Variants in PIGN observed in about 807,000 individuals in gnomAD.
The protein encoded by PIGN is phosphatidylinositol glycan anchor biosynthesis class N.
A neutral mutation model predicts 125.4 loss-of-function variants in PIGN; 117 were observed. The observed-to-expected ratio is 0.93, with a 90% CI of 0.80 to 1.09. The LOEUF (loss-of-function observed/expected upper bound fraction) is 1.09, where lower values mean the gene tolerates loss of function less well. Among genes scored for constraint, PIGN ranks in the 50% least tolerant of loss-of-function variants. The pLI is 0.00. For synonymous variants in PIGN, 392 were observed against 377.8 expected (o/e 1.04, Z -0.44); for missense variants, 1,075 against 1,094.9 (o/e 0.98, Z 0.26).
chr18:62,088,636 T>C (rs900784265), intron 25 of PIGN, 120 bp downstream of exon 25: 9 of 643,568 alleles, frequency 1.4e-5, no homozygotes, highest in Admixed American at 3.1e-5. Context: ...AAACTATAGT[T>C]CAGGGAGGTT....
intron 1 of PIGN, among the ~76,000 whole-genome samples, chr18:62,169,763 G>A (rs569594179): frequency 1.3e-5 from 2 of 152,072 alleles, no homozygotes; most frequent in African/African-American, 2.4e-5. Flanking sequence ...TGGGACCACA[G>A]GTGAGAGCCA....
At chr18:62,166,796 C>G (rs2037150762) in intron 1 of PIGN, among the ~76,000 whole-genome samples, 1 of 152,114 alleles carries the variant, frequency 6.6e-6, no homozygotes, top group South Asian at 2.1e-4. Flanking sequence ...AGCAAACTAA[C>G]ACAGGAACAC....
intron 4 of PIGN, chr18:62,158,084 C>A: frequency 7.0e-6 from 2 of 286,606 alleles, no homozygotes; most frequent in Non-Finnish European, 6.7e-6. Context: ...TTGTTTTAAG[C>A]CACAAAACAG....
intron 30 of PIGN, among the ~76,000 whole-genome samples, chr18:62,064,048 G>A (rs1243615847): frequency 1.3e-5 from 2 of 152,060 alleles, no homozygotes; most frequent in Admixed American, 6.5e-5. Flanking sequence ...TGCACGTTGT[G>A]CACATGTACC....
chr18:62,078,092 T>A (rs967728014), intron 28 of PIGN, among the ~76,000 whole-genome samples: 1 of 152,144 alleles, frequency 6.6e-6, no homozygotes, highest in African/African-American at 2.4e-5. Flanking sequence ...TCTGAGGTAC[T>A]TGGGGGTCAG....
intron 14 of PIGN, chr18:62,136,798 C>T (rs1343346012): frequency 2.9e-6 from 1 of 344,478 alleles, no homozygotes; most frequent in Non-Finnish European, 5.2e-6. Context: ...GAATGTGAAC[C>T]TCAAAGATGC....
intron 23 of PIGN, among the ~76,000 whole-genome samples, chr18:62,033,017 G>C (rs992918176): frequency 4.6e-5 from 7 of 152,224 alleles, no homozygotes; most frequent in Non-Finnish European, 7.3e-5. Context: ...GAGTAACTAG[G>C]CAGGCTTAAC....
At chr18:62,028,047 C>G (rs1252046218) in intron 23 of PIGN, among the ~76,000 whole-genome samples, 1 of 152,212 alleles carries the variant, frequency 6.6e-6, no homozygotes, top group Non-Finnish European at 1.5e-5. Context: ...ACACTGTGCT[C>G]CCCTGTGGCA....
intron 14 of PIGN, among the ~76,000 whole-genome samples, chr18:62,117,908 T>C (rs1229911545): frequency 6.6e-6 from 1 of 152,126 alleles, no homozygotes; most frequent in East Asian, 1.9e-4. Context: ...CATTCTTTTT[T>C]ATGAATGAAT....
At position 62,128,439 on chromosome 18, in the gene PIGN, C is replaced by T. The variant is rs2035614906; in HGVS notation, c.1172+9804G>A. 7.2e-5 allele frequency among the ~76,000 whole-genome samples: 11 copies of T among 152,208 alleles called. No homozygotes were observed. In the South Asian group the frequency reaches 2.3e-3, roughly 32 times the overall value. On this transcript the variant is annotated intron_variant, in intron 14 of 30. Transcript: ENST00000640252. ...AGAGCTAGTAACATAATTAAAACCA[C>T]TAGGCCACGGAAGGTATTTTACATT...
Position 62,161,312 on chromosome 18 carries a change from C to T in PIGN, c.42G>A (p.Val14=). ...FFTLGLLIHF[V]FFASIFDIYF... ...AAATGTCAAAGATGGAGGCGAAGAA[C>T]ACAAAATGTATAAGCAATCCCAAAG... Residue 14 remains valine, a synonymous_variant, in exon 4 of 31, where the codon GTG becomes GTA. Coordinates refer to ENST00000640252, the MANE Select transcript of PIGN (RefSeq NM_176787.5). 1.2e-6 allele frequency: 2 copies of T among 1,613,500 alleles called. No homozygotes were observed. The highest frequency in any genetic ancestry group is 1.7e-6 in the Non-Finnish European group (2 of 1,179,660).
In PIGN at chr18:62,146,919, C is replaced by G. The variant is rs576353542; in HGVS notation, c.805+52G>C. ...AACATCATAAAATATTTACCAGCTA[C>G]ATTTATCACTACTTTAATTGTAAGG... is the stretch of plus-strand genomic sequence containing the variant. On this transcript the variant is annotated intron_variant, in intron 9 of 30. Transcript: ENST00000640252. 2.6e-6 allele frequency: 4 copies of G among 1,565,164 alleles called. No individual in the cohort carries two copies. In the Admixed American group the frequency reaches 5.1e-5, roughly 20 times the overall value.
chr18:62,042,455 T>C lies in PIGN; in HGVS notation c.*3401A>G, dbSNP rs1196982396. On this transcript the variant is annotated 3_prime_UTR_variant, in exon 31 of 31. Coordinates refer to ENST00000640252, the MANE Select transcript of PIGN (RefSeq NM_176787.5). ...CAAATAAATGCTGCAGTTCTGAAGGTAGAAAGTTGAGCAGTAACTGTAACC... is the reference window on the plus strand; with the variant it reads ...CAAATAAATGCTGCAGTTCTGAAGGCAGAAAGTTGAGCAGTAACTGTAACC... 6.6e-6 allele frequency: 1 copy of C among 152,164 alleles called. No individual in the cohort carries two copies. The highest frequency in any genetic ancestry group is 1.5e-5 in the Non-Finnish European group (1 of 68,032). The allele number at this position is 152,164 out of a possible 1,614,324, so 9.4% of individuals were successfully genotyped here. A position where few individuals can be genotyped will look rare whatever the true frequency, so the allele number is the denominator to read the frequency against.
intron 24 of PIGN, 115 bp from the exon 25 acceptor site, chr18:62,088,957 AAAAAAAT>A (rs1189763952): frequency 1.6e-6 from 1 of 617,482 alleles, no homozygotes; most frequent in Non-Finnish European, 2.9e-6. Context: ...CTGTGCTGAC[AAAAAAAT>A]AAACAATAAA....
At chr18:62,177,294 G>A (rs899398427) in intron 1 of PIGN, among the ~76,000 whole-genome samples, 25 of 152,150 alleles carry the variant, frequency 1.6e-4, no homozygotes, top group Admixed American at 6.5e-5. Flanking sequence ...ATTTGCTGCT[G>A]AATCCCTCTT....
intron 23 of PIGN, among the ~76,000 whole-genome samples, chr18:62,022,195 G>C (rs2030061383): frequency 6.6e-6 from 1 of 152,120 alleles, no homozygotes; most frequent in African/African-American, 2.4e-5. Context: ...TCAAGGTGGG[G>C]GGATCATATA....
chr18:62,168,184 C>CA (rs544274448), intron 1 of PIGN, among the ~76,000 whole-genome samples: 1,974 of 141,092 alleles, frequency 0.014, 40 homozygotes, highest in South Asian at 0.023. Context: ...AACTCTGTCT[C>CA]AAAAAAAAAA....
At chr18:62,081,687 C>T (rs1447615772) in intron 28 of PIGN, among the ~76,000 whole-genome samples, 1 of 152,044 alleles carries the variant, frequency 6.6e-6, no homozygotes, top group Admixed American at 6.6e-5. Context: ...AAATCTTATC[C>T]ACCAACAAAG....
chr18:62,181,327 C>A (rs1205365854), intron 1 of PIGN, among the ~76,000 whole-genome samples: 1 of 152,056 alleles, frequency 6.6e-6, no homozygotes, highest in Admixed American at 6.5e-5. Context: ...CCTTTTCTCC[C>A]CAACACAGTC....
Sources: allele counts gnomAD v4.1 joint callset (sites outside exome capture counted in the v4.1 genomes callset), GRCh38; gene constraint gnomAD v4.1.1; transcripts MANE v1.5; gene names NCBI Gene and HGNC (gene_info 2026-07-23, HGNC 2026-07-21).